Variants in MROH2B observed in about 807,000 individuals in gnomAD.
MROH2B encodes maestro heat-like repeat-containing protein family member 2B.
MROH2B carries 177 observed loss-of-function variants against 208.6 expected under a neutral mutation model. The ratio of observed to expected loss-of-function variants is 0.85; its 90% CI spans 0.75 to 0.96. MROH2B has a LOEUF of 0.96. MROH2B is among the 40% of genes least tolerant of loss of function. The pLI, the probability that MROH2B is intolerant of heterozygous loss-of-function variation, is 0.00. For synonymous variants in MROH2B, 728 were observed against 659.0 expected (o/e 1.10, Z -1.60); for missense variants, 2,002 against 1,878.7 (o/e 1.07, Z -1.21).
At chr5:41,054,232 G>A (rs1050290253) in intron 11 of MROH2B, among the ~76,000 whole-genome samples, 2 of 152,036 alleles carry the variant, frequency 1.3e-5, no homozygotes, top group Admixed American at 6.5e-5. Context: ...CACCTACCTC[G>A]GCCTCCCAAA....
At position 41,013,462 on chromosome 5, in the gene MROH2B, G is replaced by T. The variant is rs138830714; in HGVS notation, c.2983-727C>A. 7.2e-3 allele frequency among the ~76,000 whole-genome samples: 1,091 copies of T among 152,218 alleles called. 11 individuals carry two copies. The highest frequency in any genetic ancestry group is 0.012 in the South Asian group (57 of 4,816). The stretch of plus-strand genomic sequence containing the variant: ...GAATGAGTTCCAGGATCATTATCTG[G>T]GGATTTAACTAAGCAAGATGGTAAT... On this transcript the variant is annotated intron_variant, in intron 29 of 41. Coordinates refer to ENST00000399564, the MANE Select transcript of MROH2B (RefSeq NM_173489.5).
rs116499989 is a variant in MROH2B at position 41,018,696 on chromosome 5, A to G, written c.2668T>C (p.Phe890Leu). 0.036 allele frequency: 58,381 copies of G among 1,613,608 alleles called. 1,220 individuals carry two copies. The highest frequency in any genetic ancestry group is 0.065 in the African/African-American group (4,886 of 75,002). ...NVNAEDCQEMFNLLQMWLVSQ... is the reference protein window; with the variant it reads ...NVNAEDCQEMLNLLQMWLVSQ... ...TGAGTGGAGGCTCTACTCACATTAA[A>G]CATTTCTTGACAGTCCTCTGCATTC... is the stretch of plus-strand genomic sequence containing the variant. The change falls in exon 26 of 42, where the codon TTT (phenylalanine) becomes CTT (leucine). Residue 890 changes from phenylalanine (F) to leucine (L), a missense_variant. By Grantham distance (22) the Phe-to-Leu change is conservative. Coordinates refer to ENST00000399564, the MANE Select transcript of MROH2B (RefSeq NM_173489.5).
rs1201256093 is a variant in MROH2B at position 41,008,618 on chromosome 5, G to A, written c.3596C>T (p.Pro1199Leu). Residue 1199 changes from proline (P) to leucine (L), a missense_variant, in exon 33 of 42, where the codon CCA (proline) becomes CTA (leucine). Coordinates refer to ENST00000399564, the MANE Select transcript of MROH2B (RefSeq NM_173489.5). The stretch of plus-strand genomic sequence containing the variant: ...ATTGGCCGTTTACCTGCAGGGGTCT[G>A]GGATCTGCTGCTGTTCTCCCTGCTG... ...VMQQGEQQQI[P>L]DPCRLSTATL... 1 of 1,613,720 alleles carries A rather than the reference G, an allele frequency of 6.2e-7. No individual in the cohort carries two copies. The highest frequency in any genetic ancestry group is 2.2e-5 in the East Asian group (1 of 44,876).
In MROH2B at chr5:41,051,366, T is replaced by G. The variant is rs138832179; in HGVS notation, c.1231-276A>C. 6.8e-3 allele frequency: 1,659 copies of G among 243,944 alleles called. 7 individuals carry two copies. Among genetic ancestry groups the G allele is most frequent in the South Asian group, 0.016 (95 of 5,810 alleles). The allele number at this position is 243,944 out of a possible 1,614,324, so 15.1% of individuals were successfully genotyped here. On this transcript the variant is annotated intron_variant, in intron 12 of 41. Transcript: ENST00000399564. Reference sequence around the variant, plus strand: ...ATATCCCCTCTCTTTCTCAGGCCTTTGCCATTTTCTTCAGGGCAAATTTTT... The same window carrying G: ...ATATCCCCTCTCTTTCTCAGGCCTTGGCCATTTTCTTCAGGGCAAATTTTT...
In MROH2B at chr5:41,064,500, ATCC is replaced by A; in HGVS notation, c.429_431del (p.Glu143del). On this transcript the variant is annotated inframe_deletion, in exon 5 of 42. Coordinates refer to ENST00000399564, the MANE Select transcript of MROH2B (RefSeq NM_173489.5). ...TACAGAAAGTCCCCTTCATCCTTTC[ATCC>A]TCGGCCAGCCTGAGCATGGTTTGCA... 1 of 1,613,302 alleles carries A rather than the reference ATCC, an allele frequency of 6.2e-7. No homozygotes were observed. Among genetic ancestry groups the A allele is most frequent in the Non-Finnish European group, 8.5e-7 (1 of 1,179,444 alleles).
chr5:41,026,211 A>G (rs1180236420), intron 24 of MROH2B, among the ~76,000 whole-genome samples: 7 of 152,168 alleles, frequency 4.6e-5, no homozygotes, highest in African/African-American at 1.7e-4. Context: ...GAAAGAAATA[A>G]AGGGTATTCA....
Position 41,004,908 on chromosome 5 carries a change from G to T in MROH2B, c.3877C>A (p.Pro1293Thr). The T allele has an allele frequency of 6.2e-7, 1 of 1,613,824 alleles. No individual in the cohort carries two copies. Among genetic ancestry groups the T allele is most frequent in the South Asian group, 1.1e-5 (1 of 91,028 alleles). The part of the protein sequence containing the change: ...AAFFSELMKE[P>T]ILWKHGNLRN... ...AGATTCCCATGCTTCCAAAGGATTG[G>T]TTCCTTCATGAGCTGAAATAATCAA... The change falls in exon 36 of 42, where the codon CCA becomes ACA. Residue 1293 changes from proline to threonine, a missense_variant. By Grantham distance (38) the Pro-to-Thr change is conservative (BLOSUM62 -1). Coordinates refer to ENST00000399564, the MANE Select transcript of MROH2B (RefSeq NM_173489.5).
intron 6 of MROH2B, 44 bp from the exon 7 acceptor site, chr5:41,058,247 G>GT: frequency 7.0e-7 from 1 of 1,437,820 alleles, no homozygotes; most frequent in East Asian, 2.6e-5. Flanking sequence ...ACTTCCTTAT[G>GT]TTTTTCATAG....
At chr5:41,009,795 A>G in intron 31 of MROH2B, 127 bp downstream of exon 31, 1 of 856,078 alleles carries the variant, frequency 1.2e-6, no homozygotes, top group Middle Eastern at 2.6e-4. Context: ...ACCAATTGTT[A>G]AATTGTTATT....
chr5:41,058,772 C>T (rs543306875), intron 6 of MROH2B, among the ~76,000 whole-genome samples: 5 of 152,196 alleles, frequency 3.3e-5, no homozygotes, highest in African/African-American at 9.6e-5. Context: ...TTCAAGCTGG[C>T]AGGATGGCTC....
chr5:41,060,828 A>T (rs774955164), intron 6 of MROH2B, among the ~76,000 whole-genome samples: 2 of 152,240 alleles, frequency 1.3e-5, no homozygotes. Flanking sequence ...GTTGCTAACG[A>T]TTTAACTACC....
At position 41,018,349 on chromosome 5, in the gene MROH2B, CA is replaced by C. The variant is rs754341346; in HGVS notation, c.2754del (p.Asn918LysfsTer43). ...AFQITAKVLT[N>X]DIEAPENFKI... ...TCTAGGGGATTACTTACCTCAATAT[CA>C]TTTGTCAGCACTTTCGCAGTGATCT... On this transcript the variant is annotated frameshift_variant, in exon 27 of 42. Coordinates refer to ENST00000399564, the MANE Select transcript of MROH2B (RefSeq NM_173489.5). LOFTEE classifies it high-confidence loss of function. 5 of 1,612,370 alleles carry C rather than the reference CA, an allele frequency of 3.1e-6. No individual in the cohort carries two copies. In the Admixed American group the frequency reaches 8.4e-5, roughly 27 times the overall value.
At position 41,018,479 on chromosome 5, in the gene MROH2B, T is replaced by A; in HGVS notation, c.2674-49A>T. 3 of 1,566,284 alleles carry A rather than the reference T, an allele frequency of 1.9e-6. No individual in the cohort carries two copies. In the East Asian group the frequency reaches 6.8e-5, roughly 36 times the overall value. The stretch of plus-strand genomic sequence containing the variant: ...CTTTCCTTAGTATTCTTCATATTCA[T>A]CTAGTTTCATATTCTCTTTTTCTGT... On this transcript the variant is annotated intron_variant, in intron 26 of 41. Coordinates refer to ENST00000399564, the MANE Select transcript of MROH2B (RefSeq NM_173489.5).
At chr5:41,038,949 G>A in intron 20 of MROH2B, 61 bp from the exon 21 acceptor site, 3 of 1,490,554 alleles carry the variant, frequency 2.0e-6, no homozygotes, top group Non-Finnish European at 2.7e-6. Flanking sequence ...TTTCTCTCAT[G>A]TTTTTTTCCT....
rs1404396750 is a variant in MROH2B, at chr5:41,045,673, A to C, written c.1836+73T>G. The C allele has an allele frequency of 5.4e-6, 6 of 1,117,942 alleles. No individual in the cohort carries two copies. In the East Asian group the frequency reaches 1.4e-4, roughly 27 times the overall value. 69.3% of individuals were successfully genotyped at this position (1,117,942 alleles called of 1,614,324 possible). On this transcript the variant is annotated intron_variant, in intron 18 of 41. Coordinates refer to ENST00000399564, the MANE Select transcript of MROH2B (RefSeq NM_173489.5). ...CTCCCTCCCTTTGATTGTGATACAG[A>C]CAAGATGGAGCTAGAGCAGCCATTT...
chr5:41,016,548 G>C (rs890505373), intron 28 of MROH2B, among the ~76,000 whole-genome samples: 8 of 107,992 alleles, frequency 7.4e-5, no homozygotes, highest in African/African-American at 3.0e-4. Context: ...GTGTGATCTC[G>C]GCTCACTGCA....
At chr5:41,001,647 G>C (rs1003304961) in intron 37 of MROH2B, among the ~76,000 whole-genome samples, 1 of 151,972 alleles carries the variant, frequency 6.6e-6, no homozygotes, top group African/African-American at 2.4e-5. Context: ...AATCTGAGAG[G>C]AGGAGGCTGC....
At position 41,017,871 on chromosome 5, in the gene MROH2B, T is replaced by C. The variant is rs1451529486; in HGVS notation, c.2863A>G (p.Ile955Val). The change falls in exon 28 of 42, where the codon ATT (isoleucine) becomes GTT (valine). Residue 955 changes from isoleucine (I) to valine (V), a missense_variant. Transcript: ENST00000399564. The part of the protein sequence containing the change: ...TIRQAAASST[I>V]GLFYIKGIHL... ...TCACCTTTTATATAGAACAGACCAA[T>C]AGTTGAGCTAGCAGCCGCCTGACGG... is the stretch of plus-strand genomic sequence containing the variant. 4 of 1,594,818 alleles carry C rather than the reference T, an allele frequency of 2.5e-6. No homozygotes were observed. Among genetic ancestry groups the C allele is most frequent in the African/African-American group, 1.3e-5 (1 of 74,698 alleles).
rs371739027 is a variant in MROH2B at position 41,005,659 on chromosome 5, A to G, written c.3750-14T>C. 4.4e-6 allele frequency: 7 copies of G among 1,580,282 alleles called. No individual in the cohort carries two copies. The highest frequency in any genetic ancestry group is 6.1e-6 in the Non-Finnish European group (7 of 1,155,308). ...ACTGCCATGCTCCTAGAAAATGCACATTTTAGCAGAGACATATTTTACTAA... is the reference window on the plus strand; with the variant it reads ...ACTGCCATGCTCCTAGAAAATGCACGTTTTAGCAGAGACATATTTTACTAA... On this transcript the variant is annotated splice_polypyrimidine_tract_variant and intron_variant, in intron 34 of 41. Transcript: ENST00000399564.
Sources: allele counts gnomAD v4.1 joint callset (sites outside exome capture counted in the v4.1 genomes callset), GRCh38; gene constraint gnomAD v4.1.1; transcripts MANE v1.5; gene names NCBI Gene and HGNC (gene_info 2026-07-23, HGNC 2026-07-21).